SURF1: variants seen among roughly 807,000 people sequenced by gnomAD.
SURF1 encodes the protein SURF1 cytochrome c oxidase assembly factor, also known as surfeit locus protein 1.
Under a neutral mutation model 34.1 loss-of-function variants are expected in SURF1, and 45 were observed. That is an observed-to-expected ratio of 1.32 (90% confidence interval 1.04 to 1.69). The LOEUF is 1.69. SURF1 is among the 40% of genes most tolerant of loss of function. The pLI is 0.00. For synonymous variants in SURF1, 188 were observed against 147.5 expected (o/e 1.27, Z -1.99); for missense variants, 456 against 384.6 (o/e 1.19, Z -1.55).
chr9:133,352,641 C>A (rs2130008849), intron 6 of SURF1, 33 bp from the exon 7 acceptor site: 6 of 1,613,924 alleles, frequency 3.7e-6, no homozygotes, highest in Middle Eastern at 1.7e-4. Context: ...TTGCATGGAG[C>A]CTGGTGGACT....
chr9:133,353,052 G>A (rs1836477021), intron 5 of SURF1, among the ~76,000 whole-genome samples: 1 of 152,156 alleles, frequency 6.6e-6, no homozygotes, highest in African/African-American at 2.4e-5. Context: ...CGTGCAACTG[G>A]TGAGCAACGC....
At position 133,352,074 on chromosome 9, in the gene SURF1, A is replaced by G; in HGVS notation, c.820T>C (p.Tyr274His). Residue 274 changes from tyrosine to histidine, a missense_variant, in exon 8 of 9, where the codon TAC (tyrosine) becomes CAC (histidine). Transcript: ENST00000371974. ...RVTLRNEHLQ[Y>H]IVTWYGLSAA... ...CTGGGGACTCACCAGGTCACGATGTACTGCAGATGCTCGTTCCTCAGAGTA... is the reference window on the plus strand; with the variant it reads ...CTGGGGACTCACCAGGTCACGATGTGCTGCAGATGCTCGTTCCTCAGAGTA... 1.2e-6 allele frequency: 2 copies of G among 1,611,680 alleles called. No individual in the cohort carries two copies. Among genetic ancestry groups the G allele is most frequent in the Non-Finnish European group, 1.7e-6 (2 of 1,178,898 alleles).
At chr9:133,355,390 C>T (rs1009239212) in intron 2 of SURF1, among the ~76,000 whole-genome samples, 3 of 152,102 alleles carry the variant, frequency 2.0e-5, no homozygotes, top group Admixed American at 1.3e-4. Context: ...ACCAGCCTGA[C>T]CAACATGCAG....
In SURF1 at chr9:133,354,755, G is replaced by A. The variant is rs2130018344; in HGVS notation, c.241-14C>T. The A allele has an allele frequency of 1.9e-6, 3 of 1,613,620 alleles. No individual in the cohort carries two copies. The highest frequency in any genetic ancestry group is 1.1e-5 in the South Asian group (1 of 91,088). ...CCGACGCTGGACCTACAGTGACAGA[G>A]CATAAGGCCAAGCAGATGGCAGCAA... On this transcript the variant is annotated splice_polypyrimidine_tract_variant and intron_variant, in intron 3 of 8. Coordinates refer to ENST00000371974, the MANE Select transcript of SURF1 (RefSeq NM_003172.4).
At chr9:133,353,113 G>A (rs1403538133) in intron 5 of SURF1, among the ~76,000 whole-genome samples, 1 of 152,182 alleles carries the variant, frequency 6.6e-6, no homozygotes, top group Non-Finnish European at 1.5e-5. Flanking sequence ...TATGGCAAGA[G>A]CTGTCTCCAA....
In SURF1 at chr9:133,353,796, A is replaced by G. The variant is rs2130014556; in HGVS notation, c.468T>C (p.Thr156=). 1.9e-6 allele frequency: 3 copies of G among 1,613,772 alleles called. No homozygotes were observed. The highest frequency in any genetic ancestry group is 2.7e-5 in the African/African-American group (2 of 75,048). Reference sequence around the variant, plus strand: ...GAGTGACCACATAGGCCCCACTCTGAGTTGAGGAGGAGATGAGGCCGCCCT... The same window carrying G: ...GAGTGACCACATAGGCCCCACTCTGGGTTGAGGAGGAGATGAGGCCGCCCT... ...AREGGLISSS[T]QSGAYVVTPF... Residue 156 remains threonine (T), a synonymous_variant, in exon 5 of 9, where the codon ACT becomes ACC. Coordinates refer to ENST00000371974, the MANE Select transcript of SURF1 (RefSeq NM_003172.4).
intron 4 of SURF1, 138 bp from the exon 5 acceptor site, chr9:133,354,078 T>G: frequency 2.1e-6 from 2 of 934,726 alleles, no homozygotes; most frequent in South Asian, 2.7e-5. Flanking sequence ...AGGGGAACTT[T>G]GATGCCATGT....
In SURF1 at chr9:133,352,105, G is replaced by A. The variant is rs2130004627; in HGVS notation, c.789C>T (p.Thr263=). The A allele has an allele frequency of 1.9e-6, 3 of 1,609,244 alleles. No individual in the cohort carries two copies. The highest frequency in any genetic ancestry group is 2.5e-6 in the Non-Finnish European group (3 of 1,177,742). Reference sequence around the variant, plus strand: ...GATGCTCGTTCCTCAGAGTAACTCTGGTTTGCCCTCCAATGGGTCCTCCAG... The same window carrying A: ...GATGCTCGTTCCTCAGAGTAACTCTAGTTTGCCCTCCAATGGGTCCTCCAG... ...TVPGGPIGGQ[T]RVTLRNEHLQ... Residue 263 remains threonine (T), a synonymous_variant, in exon 8 of 9, where the codon ACC becomes ACT. Transcript: ENST00000371974.
At position 133,353,951 on chromosome 9, in the gene SURF1, A is replaced by G. The variant is rs2130015668; in HGVS notation, c.324-11T>C. 3.2e-5 allele frequency: 51 copies of G among 1,613,764 alleles called. No individual in the cohort carries two copies. Among genetic ancestry groups the G allele is most frequent in the Non-Finnish European group, 3.7e-5 (44 of 1,180,016 alleles). ...TTCAGTTCCATTGGGCTGCATGGAG[A>G]TAAGAACAGTGGCCGAGCAAGGTTT... On this transcript the variant is annotated splice_polypyrimidine_tract_variant and intron_variant, in intron 4 of 8. Coordinates refer to ENST00000371974, the MANE Select transcript of SURF1 (RefSeq NM_003172.4).
rs1195798424 is a variant in SURF1 at position 133,352,684 on chromosome 9, T to A, written c.588+10A>T. ...CCTTCTCTAAAGTAGGAAGAGTCCA[T>A]GTCCCTTACCTGGCCTTTCTGCCGG... is the stretch of plus-strand genomic sequence containing the variant. On this transcript the variant is annotated intron_variant, in intron 6 of 8. Coordinates refer to ENST00000371974, the MANE Select transcript of SURF1 (RefSeq NM_003172.4). The A allele has an allele frequency of 6.2e-7, 1 of 1,613,694 alleles. No individual in the cohort carries two copies. The highest frequency in any genetic ancestry group is 1.3e-5 in the African/African-American group (1 of 74,946).
intron 4 of SURF1, 92 bp from the exon 5 acceptor site, chr9:133,354,032 C>G (rs2119083747): frequency 6.8e-7 from 1 of 1,462,356 alleles, no homozygotes; most frequent in Non-Finnish European, 9.6e-7. Context: ...CAGGGCCAGA[C>G]AAGTGAAGGA....
Position 133,353,818 on chromosome 9 carries a change from CCCTCCCGGG to C in SURF1, c.437_445del (p.Ala146_Glu148del), listed in dbSNP as rs2130014764. On this transcript the variant is annotated inframe_deletion, in exon 5 of 9. Transcript: ENST00000371974. The stretch of plus-strand genomic sequence containing the variant: ...CTGAGTTGAGGAGGAGATGAGGCCG[CCCTCCCGGG>C]CCTCCCGGACAGGGTCCACCATGGT... The C allele has an allele frequency of 6.8e-6, 11 of 1,613,728 alleles. No individual in the cohort carries two copies. The highest frequency in any genetic ancestry group is 4.5e-5 in the East Asian group (2 of 44,898).
In SURF1 at chr9:133,351,982, C is replaced by G; in HGVS notation, c.834G>C (p.Trp278Cys). The stretch of plus-strand genomic sequence containing the variant: ...AGGATGTAGCTGCAGAGAGTCCATA[C>G]CTAGGGGTTGAAAGCAAGCCAGCAT... ...RNEHLQYIVTWYGLSAATSYL... is the reference protein window; with the variant it reads ...RNEHLQYIVTCYGLSAATSYL... The change falls in exon 9 of 9, where the codon TGG (tryptophan) becomes TGC (cysteine). Residue 278 changes from tryptophan (W) to cysteine (C), a missense_variant and splice_region_variant. Transcript: ENST00000371974. 3.1e-6 allele frequency: 5 copies of G among 1,613,788 alleles called. No individual in the cohort carries two copies. The highest frequency in any genetic ancestry group is 4.2e-6 in the Non-Finnish European group (5 of 1,179,946).
In SURF1 at chr9:133,356,390, C is replaced by G; in HGVS notation, c.54+10G>C. On this transcript the variant is annotated intron_variant, in intron 1 of 8. Coordinates refer to ENST00000371974, the MANE Select transcript of SURF1 (RefSeq NM_003172.4). The stretch of plus-strand genomic sequence containing the variant: ...CGCCCCGCACCCCGCACCCCGCACC[C>G]GGCGCTCACCCGTCCCAGCCCCGCC... The G allele has an allele frequency of 1.4e-6, 2 of 1,390,478 alleles. No homozygotes were observed. Among genetic ancestry groups the G allele is most frequent in the East Asian group, 6.2e-5 (2 of 32,290 alleles). The allele number at this position is 1,390,478 out of a possible 1,614,324, so 86.1% of individuals were successfully genotyped here. A position where few individuals can be genotyped will look rare whatever the true frequency, so the allele number is the denominator to read the frequency against.
intron 2 of SURF1, 32 bp downstream of exon 2, chr9:133,356,237 G>GC (rs1249211473): frequency 9.1e-6 from 14 of 1,533,480 alleles, no homozygotes; most frequent in Non-Finnish European, 1.1e-5. Context: ...CTGCCCAGGC[G>GC]CCTGGATCAC....
In SURF1 at chr9:133,352,586, A is replaced by C. The variant is rs1209784974; in HGVS notation, c.611T>G (p.Ile204Ser). The C allele has an allele frequency of 3.1e-6, 5 of 1,614,072 alleles. No homozygotes were observed. Among genetic ancestry groups the C allele is most frequent in the Middle Eastern group, 1.6e-4 (1 of 6,080 alleles). The change falls in exon 7 of 9, where the codon ATT becomes AGT. Residue 204 changes from isoleucine (I) to serine (S), a missense_variant. Transcript: ENST00000371974. ...GGTTTCTGTCAGCCTCACCATCCCA[A>C]TGAGGTCCACTTCTCCCTCAATCTA... is the stretch of plus-strand genomic sequence containing the variant. ...KGQIEGEVDL[I>S]GMVRLTETRQ...
Position 133,356,334 on chromosome 9 carries a change from C to T in SURF1, c.55-14G>A, listed in dbSNP as rs2130025525. The stretch of plus-strand genomic sequence containing the variant: ...GCTGGCCGGGGCCTGCGGACACGGA[C>T]GGGCGGGCTGAGCTCCGGGACCCCT... On this transcript the variant is annotated splice_polypyrimidine_tract_variant and intron_variant, in intron 1 of 8. Transcript: ENST00000371974. 6.6e-7 allele frequency: 1 copy of T among 1,511,946 alleles called. No individual in the cohort carries two copies. Among genetic ancestry groups the T allele is most frequent in the South Asian group, 1.2e-5 (1 of 81,978 alleles). 93.7% of individuals were successfully genotyped at this position (1,511,946 alleles called of 1,614,324 possible). A position where few individuals can be genotyped will look rare whatever the true frequency, so the allele number is the denominator to read the frequency against.
intron 2 of SURF1, among the ~76,000 whole-genome samples, chr9:133,355,376 C>T (rs1836546909): frequency 2.6e-5 from 4 of 152,150 alleles, no homozygotes; most frequent in South Asian, 2.1e-4. Context: ...ATCAGGAGTT[C>T]GAGACCAGCC....
intron 4 of SURF1, 22 bp downstream of exon 4, chr9:133,354,636 TA>T (rs1320755095): frequency 3.1e-6 from 5 of 1,611,596 alleles, no homozygotes; most frequent in Non-Finnish European, 4.2e-6. Context: ...AAACAGGCCC[TA>T]GGGGGGCAGC....
Sources: allele counts gnomAD v4.1 joint callset (sites outside exome capture counted in the v4.1 genomes callset), GRCh38; gene constraint gnomAD v4.1.1; transcripts MANE v1.5; gene names NCBI Gene and HGNC (gene_info 2026-07-23, HGNC 2026-07-21).